DCBLD2: variants seen among roughly 807,000 people sequenced by gnomAD.
DCBLD2 encodes the protein discoidin, CUB and LCCL domain containing 2.
A neutral mutation model predicts 86.8 loss-of-function variants in DCBLD2; 54 were observed. That is an observed-to-expected ratio of 0.62 (90% CI 0.50 to 0.78). The LOEUF (loss-of-function observed/expected upper bound fraction) is 0.78, where lower values mean the gene tolerates loss of function less well. DCBLD2 is among the 30% of genes least tolerant of loss of function. The pLI is 0.00. For synonymous variants in DCBLD2, 354 were observed against 341.3 expected, an observed-to-expected ratio of 1.04 and a Z score of -0.41; for missense variants, 908 against 954.2, an observed-to-expected ratio of 0.95 and a Z score of 0.64.
chr3:98,901,166 AAGAGCAGG>A lies in DCBLD2; in HGVS notation c.153_160del (p.Leu52ThrfsTer16). The stretch of plus-strand genomic sequence containing the variant: ...CTCGAGCAGCAGGAGCAGGACAAGT[AAGAGCAGG>A]AGGAACAGAGGCATGGAGAAGGAGG... On this transcript the variant is annotated frameshift_variant, in exon 1 of 16. Coordinates refer to ENST00000326840, the MANE Select transcript of DCBLD2 (RefSeq NM_080927.4). LOFTEE classifies it high-confidence loss of function. 6.5e-7 allele frequency: 1 copy of A among 1,538,528 alleles called. No individual in the cohort carries two copies. The highest frequency in any genetic ancestry group is 8.7e-7 in the Non-Finnish European group (1 of 1,146,834).
chr3:98,835,939 T>TTTC lies in DCBLD2; in HGVS notation c.572-10574_572-10573insGAA, dbSNP rs1491222055. 0.035 allele frequency among the ~76,000 whole-genome samples: 44 copies of TTTC among 1,268 alleles called. No homozygotes were observed. In the East Asian group the frequency reaches 0.4, roughly 12 times the overall value. 0.8% of individuals were successfully genotyped at this position (1,268 alleles called of 152,430 possible). A position where few individuals can be genotyped will look rare whatever the true frequency, so the allele number is the denominator to read the frequency against. ...CTTTCTTTCTTCCTTCCTTTCTTTC[T>TTTC]TTTTTTTTTTTTTTAAGATTTTTAA... On this transcript the variant is annotated intron_variant, in intron 3 of 15. Coordinates refer to ENST00000326840, the MANE Select transcript of DCBLD2 (RefSeq NM_080927.4).
intron 4 of DCBLD2, among the ~76,000 whole-genome samples, 195 bp from the exon 5 acceptor site, chr3:98,822,936 C>T (rs572126539): frequency 6.6e-6 from 1 of 152,134 alleles, no homozygotes; most frequent in East Asian, 1.9e-4. Context: ...GCAATGGCAC[C>T]TTCTTGGCTC....
chr3:98,801,626 T>C lies in DCBLD2; in HGVS notation c.1694A>G (p.Tyr565Cys), dbSNP rs2107418241. 6.2e-7 allele frequency: 1 copy of C among 1,609,676 alleles called. No homozygotes were observed. The highest frequency in any genetic ancestry group is 2.2e-5 in the East Asian group (1 of 44,756). Residue 565 changes from tyrosine to cysteine, a missense_variant, in exon 14 of 16, where the codon TAT (tyrosine) becomes TGT (cysteine). Tyr to Cys is a radical substitution (Grantham distance 194). This residue lies in a region of DCBLD2 where 606 missense variants were observed against 678.5 expected (regional missense o/e 0.89). Transcript: ENST00000326840. Reference sequence around the variant, plus strand: ...TGCCCGGTCCCAGTAAGGTAAGTCATAGGTGCCTTCAGTTTTTTTCTTTCT... The same window carrying C: ...TGCCCGGTCCCAGTAAGGTAAGTCACAGGTGCCTTCAGTTTTTTTCTTTCT... ...RNRKKKTEGT[Y>C]DLPYWDRAGW...
Position 98,857,623 on chromosome 3 carries a change from G to A in DCBLD2, c.434-8025C>T, listed in dbSNP as rs567884059. Among the ~76,000 whole-genome samples, 213 of 151,862 alleles carry A rather than the reference G, an allele frequency of 1.4e-3. 3 individuals are homozygous for A. Among genetic ancestry groups the A allele is most frequent in the Middle Eastern group, 0.01 (3 of 294 alleles). On this transcript the variant is annotated intron_variant, in intron 2 of 15. Coordinates refer to ENST00000326840, the MANE Select transcript of DCBLD2 (RefSeq NM_080927.4). ...TGCATTCACAAACCCTGAGCTAGAC[G>A]CAGGGTGCTGATTGGTGTGTTTACA...
At chr3:98,865,697 C>T (rs1943129458) in intron 2 of DCBLD2, among the ~76,000 whole-genome samples, 1 of 150,176 alleles carries the variant, frequency 6.7e-6, no homozygotes, top group South Asian at 2.1e-4. Context: ...AGCATATATA[C>T]AATTTTCTTT....
chr3:98,865,522 A>G (rs534799828), intron 2 of DCBLD2, among the ~76,000 whole-genome samples: 12 of 152,274 alleles, frequency 7.9e-5, no homozygotes, highest in Admixed American at 5.9e-4. Context: ...CATAGGAGTG[A>G]TAAGTTAAAA....
intron 1 of DCBLD2, among the ~76,000 whole-genome samples, chr3:98,899,260 CTTTTT>C (rs10605926): frequency 9.8e-6 from 1 of 101,766 alleles, no homozygotes. Flanking sequence ...ATTTCTTTTT[CTTTTT>C]TTTTTTTTTT....
In DCBLD2 at chr3:98,853,237, C is replaced by T. The variant is rs1028162865; in HGVS notation, c.434-3639G>A. Among the ~76,000 whole-genome samples, 6 of 152,322 alleles carry T rather than the reference C, an allele frequency of 3.9e-5. No individual in the cohort carries two copies. In the South Asian group the frequency reaches 1.0e-3, roughly 26 times the overall value. On this transcript the variant is annotated intron_variant, in intron 2 of 15. Transcript: ENST00000326840. ...CTGTACAGCTCTGGGCTATACTCTC[C>T]TTCAAAAATGTTTAAATTAGGTGTT...
chr3:98,801,713 AC>A (rs1446876501), intron 13 of DCBLD2, 64 bp from the exon 14 acceptor site: 223 of 1,242,010 alleles, frequency 1.8e-4, no homozygotes, highest in South Asian at 7.1e-4. Context: ...TGCTCCCCCT[AC>A]CCCATGACAG....
chr3:98,818,029 T>A, intron 8 of DCBLD2, 136 bp from the exon 9 acceptor site: 1 of 1,101,638 alleles, frequency 9.1e-7, no homozygotes, highest in Non-Finnish European at 1.3e-6. Context: ...CAAGTGCACG[T>A]TTTTGTCATA....
chr3:98,883,267 T>C (rs1210024087), intron 1 of DCBLD2, among the ~76,000 whole-genome samples: 1 of 152,218 alleles, frequency 6.6e-6, no homozygotes, highest in East Asian at 1.9e-4. Flanking sequence ...ATTATGCAGA[T>C]TACTGACTAT....
chr3:98,799,515 G>A lies in DCBLD2; in HGVS notation c.2185C>T (p.Gln729Ter). 6.2e-7 allele frequency: 1 copy of A among 1,613,978 alleles called. No homozygotes were observed. Among genetic ancestry groups the A allele is most frequent in the Non-Finnish European group, 8.5e-7 (1 of 1,179,878 alleles). The change falls in exon 16 of 16, where the codon CAG becomes TAG. Residue 729 changes from glutamine to a stop codon, truncating the protein, a stop_gained. Coordinates refer to ENST00000326840, the MANE Select transcript of DCBLD2 (RefSeq NM_080927.4). LOFTEE classifies it high-confidence loss of function. ...LSRTDSCSSA[Q>*]AQYDTPKAGK... ...GCTTTCGGGGTATCATACTGGGCCT[G>A]GGCTGAGGAGCAGCTGTCAGTCCTG...
chr3:98,808,057 C>T (rs1216797050), intron 13 of DCBLD2, 24 bp downstream of exon 13: 2 of 1,506,350 alleles, frequency 1.3e-6, no homozygotes, highest in Admixed American at 4.6e-5. Flanking sequence ...GTTTTGGACT[C>T]AGGTGAACTA....
In DCBLD2 at chr3:98,800,624, G is replaced by C; in HGVS notation, c.1813C>G (p.Leu605Val). ...VRYSSSEVNHLSPREVTTVLQ... is the reference protein window; with the variant it reads ...VRYSSSEVNHVSPREVTTVLQ... The stretch of plus-strand genomic sequence containing the variant: ...ACTGTGGTGACTTCTCTTGGACTCA[G>C]GTGATTAACTTCGCTGCTGCTATAG... The change falls in exon 15 of 16, where the codon CTG becomes GTG. Residue 605 changes from leucine to valine, a missense_variant. Transcript: ENST00000326840. 1 of 1,613,930 alleles carries C rather than the reference G, an allele frequency of 6.2e-7. No homozygotes were observed. The highest frequency in any genetic ancestry group is 8.5e-7 in the Non-Finnish European group (1 of 1,179,858).
At chr3:98,895,828 G>A (rs1276525764) in intron 1 of DCBLD2, among the ~76,000 whole-genome samples, 2 of 152,218 alleles carry the variant, frequency 1.3e-5, no homozygotes, top group Non-Finnish European at 2.9e-5. Context: ...CAATAACAAT[G>A]TTTTACTCTT....
intron 2 of DCBLD2, among the ~76,000 whole-genome samples, chr3:98,864,096 G>T (rs1008419955): frequency 6.6e-6 from 1 of 151,928 alleles, no homozygotes; most frequent in Non-Finnish European, 1.5e-5. Flanking sequence ...AAAAGACACA[G>T]AAAAAAATGC....
At chr3:98,866,599 A>G (rs966677856) in intron 2 of DCBLD2, among the ~76,000 whole-genome samples, 2 of 152,128 alleles carry the variant, frequency 1.3e-5, no homozygotes, top group African/African-American at 4.8e-5. Context: ...GTAGATTCTC[A>G]ATATTAGCCC....
chr3:98,847,053 A>G lies in DCBLD2; in HGVS notation c.571+2408T>C, dbSNP rs973862478. On this transcript the variant is annotated intron_variant, in intron 3 of 15. Coordinates refer to ENST00000326840, the MANE Select transcript of DCBLD2 (RefSeq NM_080927.4). ...CTCACCTATCAACCCAAGACTTTCAATAAGTAAAACTTAAAGGACGGTAAT... is the reference window on the plus strand; with the variant it reads ...CTCACCTATCAACCCAAGACTTTCAGTAAGTAAAACTTAAAGGACGGTAAT... Among the ~76,000 whole-genome samples, 5 of 152,212 alleles carry G rather than the reference A, an allele frequency of 3.3e-5. No homozygotes were observed. In the South Asian group the frequency reaches 8.3e-4, roughly 25 times the overall value.
intron 9 of DCBLD2, among the ~76,000 whole-genome samples, chr3:98,817,065 C>A (rs278387): frequency 0.31 from 46,817 of 152,036 alleles, 8,609 homozygotes; most frequent in East Asian, 0.68. Flanking sequence ...TCATGCCCAG[C>A]CCCATAGTTT....
Sources: allele counts gnomAD v4.1 joint callset (sites outside exome capture counted in the v4.1 genomes callset), GRCh38; gene constraint gnomAD v4.1.1; regional missense constraint gnomAD v4.1.1; transcripts MANE v1.5; gene names NCBI Gene and HGNC (gene_info 2026-07-23, HGNC 2026-07-21).